RALYL: variants seen among roughly 807,000 people sequenced by gnomAD.
RALYL encodes RALY RNA binding protein like.
RALYL carries 29 observed loss-of-function variants against 35.1 expected under a neutral mutation model. The observed-to-expected ratio is 0.83, with a 90% confidence interval of 0.61 to 1.13. The LOEUF is 1.13. RALYL is among the 50% of genes most tolerant of loss of function. The pLI, the probability that RALYL is intolerant of heterozygous loss-of-function variation, is 0.00. For synonymous variants in RALYL, 120 were observed against 127.6 expected (o/e 0.94, Z 0.40); for missense variants, 359 against 360.4 (o/e 1.00, Z 0.03).
At chr8:84,774,793 A>C in intron 3 of RALYL, 139 bp downstream of exon 3, 1 of 643,868 alleles carries the variant, frequency 1.6e-6, no homozygotes. Flanking sequence ...GTTGTTGGTC[A>C]ACATATAAAT....
intron 1 of RALYL, among the ~76,000 whole-genome samples, chr8:84,375,324 G>A (rs1486165112): frequency 6.6e-6 from 1 of 151,732 alleles, no homozygotes; most frequent in Non-Finnish European, 1.5e-5. Context: ...CTAGTTTCCA[G>A]TATGAGCCAA....
intron 1 of RALYL, among the ~76,000 whole-genome samples, chr8:84,258,280 G>A (rs927500819): frequency 1.5e-4 from 23 of 152,184 alleles, no homozygotes; most frequent in Admixed American, 8.5e-4. Context: ...ATAAAAATGC[G>A]TGGCATAATT....
At chr8:84,784,000 T>G (rs1027702004) in intron 3 of RALYL, among the ~76,000 whole-genome samples, 4 of 152,260 alleles carry the variant, frequency 2.6e-5, no homozygotes, top group African/African-American at 7.2e-5. Context: ...TAATTTTAGG[T>G]TTTTAGGGTT....
intron 2 of RALYL, among the ~76,000 whole-genome samples, chr8:84,662,476 T>G (rs1384423388): frequency 1.3e-5 from 2 of 152,182 alleles, no homozygotes; most frequent in Non-Finnish European, 2.9e-5. Context: ...ATATTTTGAT[T>G]TTGTTTAAAC....
chr8:84,249,377 A>T (rs1213012142), intron 1 of RALYL, among the ~76,000 whole-genome samples: 1 of 152,108 alleles, frequency 6.6e-6, no homozygotes, highest in Non-Finnish European at 1.5e-5. Context: ...TTTAGACCTG[A>T]CCTATCTGAG....
intron 1 of RALYL, among the ~76,000 whole-genome samples, chr8:84,458,908 G>T (rs1031099958): frequency 6.6e-6 from 1 of 151,682 alleles, no homozygotes; most frequent in African/African-American, 2.4e-5. Context: ...CTTAGATGAA[G>T]TATGTATGTA....
At chr8:84,810,540 G>T (rs1825678877) in intron 4 of RALYL, among the ~76,000 whole-genome samples, 1 of 152,072 alleles carries the variant, frequency 6.6e-6, no homozygotes, top group South Asian at 2.1e-4. Flanking sequence ...TTGTTTCTTT[G>T]TTGACTTTCT....
At chr8:84,254,521 G>A (rs990078947) in intron 1 of RALYL, among the ~76,000 whole-genome samples, 1 of 151,970 alleles carries the variant, frequency 6.6e-6, no homozygotes, top group Non-Finnish European at 1.5e-5. Flanking sequence ...GGTAGGAGGG[G>A]TGAGTAAATT....
intron 2 of RALYL, among the ~76,000 whole-genome samples, chr8:84,697,318 G>T (rs1046049390): frequency 6.6e-6 from 1 of 151,872 alleles, no homozygotes; most frequent in African/African-American, 2.4e-5. Flanking sequence ...TTTAAACTAT[G>T]AATAAATCTT....
chr8:84,477,305 G>T (rs543494175), intron 1 of RALYL, among the ~76,000 whole-genome samples: 1 of 151,452 alleles, frequency 6.6e-6, no homozygotes, highest in East Asian at 2.0e-4. Context: ...AGCATCTAAC[G>T]CTGTTGCTTT....
At chr8:84,341,746 G>T (rs572851897) in intron 1 of RALYL, among the ~76,000 whole-genome samples, 2 of 151,900 alleles carry the variant, frequency 1.3e-5, no homozygotes, top group African/African-American at 2.4e-5. Flanking sequence ...TAAGGATTTT[G>T]TTTGAAAATA....
At chr8:84,766,188 G>A (rs1264544916) in intron 2 of RALYL, among the ~76,000 whole-genome samples, 3 of 152,058 alleles carry the variant, frequency 2.0e-5, no homozygotes, top group Admixed American at 6.5e-5. Flanking sequence ...ATCTCATAAA[G>A]CAGTATCCTA....
chr8:84,575,961 C>CAAA (rs201624374), intron 2 of RALYL, among the ~76,000 whole-genome samples: 184 of 77,822 alleles, frequency 2.4e-3, no homozygotes, highest in African/African-American at 7.9e-3. Context: ...GATTTTGTCT[C>CAAA]AAAAAAAAAA....
At chr8:84,348,237 A>C (rs963438562) in intron 1 of RALYL, among the ~76,000 whole-genome samples, 4 of 152,152 alleles carry the variant, frequency 2.6e-5, no homozygotes, top group Non-Finnish European at 5.9e-5. Flanking sequence ...TCTATTGCCA[A>C]AATCACTTCT....
At chr8:84,283,301 A>G (rs1836973020) in intron 1 of RALYL, among the ~76,000 whole-genome samples, 1 of 152,114 alleles carries the variant, frequency 6.6e-6, no homozygotes, top group Non-Finnish European at 1.5e-5. Flanking sequence ...TAGTCAAGTC[A>G]TTGTGGGCAA....
intron 1 of RALYL, among the ~76,000 whole-genome samples, chr8:84,472,666 T>G (rs1284744538): frequency 6.6e-6 from 1 of 152,052 alleles, no homozygotes; most frequent in Non-Finnish European, 1.5e-5. Flanking sequence ...GAAAGGGACC[T>G]TCCTTGAATG....
intron 1 of RALYL, among the ~76,000 whole-genome samples, chr8:84,233,654 T>C (rs1251369790): frequency 6.6e-6 from 1 of 152,176 alleles, no homozygotes; most frequent in African/African-American, 2.4e-5. Context: ...TCCTTTTCTT[T>C]GTCTTAGCCA....
At chr8:84,531,656 A>T (rs2059282539) in intron 2 of RALYL, among the ~76,000 whole-genome samples, 1 of 152,052 alleles carries the variant, frequency 6.6e-6, no homozygotes, top group African/African-American at 2.4e-5. Context: ...CTGTATCCTG[A>T]TTGTTATGAA....
chr8:84,513,848 C>G (rs1266418933), intron 1 of RALYL, among the ~76,000 whole-genome samples: 2 of 151,892 alleles, frequency 1.3e-5, no homozygotes, highest in African/African-American at 4.8e-5. Flanking sequence ...GTAATCCCAG[C>G]ACTTTGGGAG....
Sources: gnomAD v4.1 joint callset for allele counts (sites outside exome capture counted in the v4.1 genomes callset) on GRCh38, gnomAD v4.1.1 for gene constraint, MANE v1.5 for transcripts, NCBI Gene and HGNC (gene_info 2026-07-23, HGNC 2026-07-21) for gene names.